The following WWTR1 variants were observed in gnomAD, a reference collection of about 807,000 sequenced individuals.
WWTR1 encodes WW domain containing transcription regulator 1.
WWTR1 carries 13 observed loss-of-function variants against 40.1 expected under a neutral mutation model. That is an observed-to-expected ratio of 0.32 (90% CI 0.21 to 0.52). WWTR1 has a LOEUF of 0.52. Ranked by LOEUF, WWTR1 falls within the 20% of genes least tolerant of loss-of-function variation. The pLI is 0.97. For missense variants in WWTR1, 436 were observed against 523.1 expected (o/e 0.83, Z 1.63); for synonymous variants, 230 against 210.1 (o/e 1.09, Z -0.82).
intron 6 of WWTR1, among the ~76,000 whole-genome samples, chr3:149,524,667 T>C (rs1461235936): frequency 6.6e-6 from 1 of 152,204 alleles, no homozygotes; most frequent in Non-Finnish European, 1.5e-5. Flanking sequence ...GATGACAACC[T>C]ACACGAAAGA....
chr3:149,722,106 A>G (rs1715769652), intron 4 of WWTR1, among the ~76,000 whole-genome samples: 1 of 152,090 alleles, frequency 6.6e-6, no homozygotes, highest in South Asian at 2.1e-4. Flanking sequence ...GATTTTAATA[A>G]TTTGAGTCTT....
intron 2 of WWTR1, among the ~76,000 whole-genome samples, chr3:149,614,756 GT>G (rs1214308060): frequency 6.6e-6 from 1 of 152,186 alleles, no homozygotes; most frequent in Non-Finnish European, 1.5e-5. Context: ...GCCGAGGTGA[GT>G]GGATCACTTG....
chr3:149,683,660 C>G (rs1714534257), intron 1 of WWTR1, among the ~76,000 whole-genome samples: 1 of 152,040 alleles, frequency 6.6e-6, no homozygotes, highest in East Asian at 1.9e-4. Context: ...CACCACTGCA[C>G]TTCAGCCTGG....
intron 3 of WWTR1, among the ~76,000 whole-genome samples, chr3:149,572,273 C>G (rs919224447): frequency 1.3e-5 from 2 of 151,562 alleles, no homozygotes; most frequent in Non-Finnish European, 2.9e-5. Context: ...CTATCTGACA[C>G]ATGTTATGCA....
intron 1 of WWTR1, among the ~76,000 whole-genome samples, chr3:149,678,674 T>C (rs1714352764): frequency 6.6e-6 from 1 of 152,148 alleles, no homozygotes. Context: ...AAGTTTGGAA[T>C]TTCTCCCTCA....
chr3:149,537,830 G>T (rs1368644634), intron 4 of WWTR1, among the ~76,000 whole-genome samples: 1 of 152,182 alleles, frequency 6.6e-6, no homozygotes, highest in Non-Finnish European at 1.5e-5. Flanking sequence ...AATCATACAG[G>T]ATGTAGTTTT....
At chr3:149,576,767 C>A (rs6767591) in intron 2 of WWTR1, among the ~76,000 whole-genome samples, 1 of 151,100 alleles carries the variant, frequency 6.6e-6, no homozygotes, top group Non-Finnish European at 1.5e-5. Context: ...TTTTTCTTAT[C>A]TAAACTGCTT....
chr3:149,571,183 T>C (rs1737604572), intron 3 of WWTR1, among the ~76,000 whole-genome samples: 1 of 150,936 alleles, frequency 6.6e-6, no homozygotes, highest in African/African-American at 2.4e-5. Flanking sequence ...AAAGGGAGAT[T>C]GGAGGAAGTG....
intron 1 of WWTR1, among the ~76,000 whole-genome samples, chr3:149,694,524 A>T (rs1437773524): frequency 6.6e-6 from 1 of 152,256 alleles, no homozygotes; most frequent in Non-Finnish European, 1.5e-5. Context: ...ATCTAAACAG[A>T]CATTTCTCAA....
At chr3:149,580,463 C>T (rs950422770) in intron 2 of WWTR1, among the ~76,000 whole-genome samples, 19 of 152,278 alleles carry the variant, frequency 1.2e-4, no homozygotes, top group Admixed American at 6.5e-4. Context: ...GCAGGAGAAA[C>T]CCCAGGGAGC....
intron 2 of WWTR1, among the ~76,000 whole-genome samples, chr3:149,647,515 C>T (rs375187562): frequency 6.6e-6 from 1 of 152,086 alleles, no homozygotes; most frequent in East Asian, 1.9e-4. Flanking sequence ...CCGAAAACCA[C>T]AAGAGAGTAT....
chr3:149,545,515 A>ATGTTGT (rs1736324447), intron 3 of WWTR1, among the ~76,000 whole-genome samples: 2 of 152,050 alleles, frequency 1.3e-5, no homozygotes, highest in Admixed American at 1.3e-4. Flanking sequence ...TGTTAACCCT[A>ATGTTGT]TGTTGTTGTT....
At chr3:149,658,139 C>G (rs1713374631), upstream of WWTR1, 1 of 154,176 alleles carries the variant, frequency 6.5e-6, no homozygotes, top group South Asian at 2.1e-4. Context: ...AGCCCCCGCT[C>G]GCCCCTCCTC....
chr3:149,586,478 T>TA (rs1285843100), intron 2 of WWTR1, among the ~76,000 whole-genome samples: 1 of 152,244 alleles, frequency 6.6e-6, no homozygotes, highest in Non-Finnish European at 1.5e-5. Flanking sequence ...TGTGATATAT[T>TA]AAGAAATAAA....
At chr3:149,563,080 A>G (rs1737157798) in intron 3 of WWTR1, among the ~76,000 whole-genome samples, 8 of 152,164 alleles carry the variant, frequency 5.3e-5, no homozygotes, top group Admixed American at 5.2e-4. Flanking sequence ...CCTGAGGGCA[A>G]ACTTTTGGAA....
intron 2 of WWTR1, among the ~76,000 whole-genome samples, chr3:149,603,678 A>G (rs148027989): frequency 4.9e-4 from 74 of 152,108 alleles, no homozygotes; most frequent in Admixed American, 4.4e-3. Context: ...TGATGAAATC[A>G]TGACAGTGAT....
intron 3 of WWTR1, among the ~76,000 whole-genome samples, chr3:149,552,693 A>G (rs1273272966): frequency 3.3e-5 from 5 of 152,338 alleles, no homozygotes; most frequent in South Asian, 4.1e-4. Flanking sequence ...GGTGAGGGCC[A>G]TGTATTTACC....
At chr3:149,557,600 C>T (rs1736888104) in intron 3 of WWTR1, among the ~76,000 whole-genome samples, 2 of 152,196 alleles carry the variant, frequency 1.3e-5, no homozygotes, top group African/African-American at 4.8e-5. Context: ...CTGTAGGTAC[C>T]TCTAGCAACC....
At chr3:149,686,399 G>C (rs1009875373) in intron 1 of WWTR1, among the ~76,000 whole-genome samples, 2 of 152,164 alleles carry the variant, frequency 1.3e-5, no homozygotes, top group Non-Finnish European at 2.9e-5. Flanking sequence ...AGTAGCTGAA[G>C]TCCAAGGCTA....
Sources: gnomAD v4.1 joint callset for allele counts (sites outside exome capture counted in the v4.1 genomes callset) on GRCh38, gnomAD v4.1.1 for gene constraint, MANE v1.5 for transcripts, NCBI Gene and HGNC (gene_info 2026-07-23, HGNC 2026-07-21) for gene names.